The following FZD6 variants were observed in gnomAD, a reference collection of about 807,000 sequenced individuals.
FZD6 encodes frizzled-6.
In FZD6, 49 loss-of-function variants were observed where a neutral mutation model predicts 61.4. The ratio of observed to expected loss-of-function variants is 0.80; its 90% CI spans 0.63 to 1.01. The LOEUF is 1.01. Ranked by LOEUF, FZD6 falls within the 50% of genes least tolerant of loss-of-function variation. FZD6 has a pLI of 0.00. For missense variants in FZD6, 724 were observed against 848.2 expected (o/e 0.85, Z 1.82); for synonymous variants, 265 against 292.2 (o/e 0.91, Z 0.95).
chr8:103,330,645 T>C (rs1815093983), intron 6 of FZD6, among the ~76,000 whole-genome samples: 1 of 152,224 alleles, frequency 6.6e-6, no homozygotes, highest in Non-Finnish European at 1.5e-5. Flanking sequence ...TGTAATTAGA[T>C]ACATGCTTTA....
intron 2 of FZD6, chr8:103,308,020 A>AGGTT: frequency 2.2e-6 from 1 of 447,162 alleles, no homozygotes; most frequent in South Asian, 1.6e-5. Context: ...TGAGGGCTTA[A>AGGTT]GGTTGGTTAC....
intron 3 of FZD6, among the ~76,000 whole-genome samples, chr8:103,320,972 C>T (rs911263517): frequency 6.6e-6 from 1 of 152,138 alleles, no homozygotes; most frequent in African/African-American, 2.4e-5. Flanking sequence ...CATCATGGAC[C>T]TTACATTTTA....
chr8:103,324,136 T>C (rs918491670), intron 3 of FZD6, among the ~76,000 whole-genome samples: 4 of 152,248 alleles, frequency 2.6e-5, no homozygotes, highest in African/African-American at 9.6e-5. Context: ...AGTACTTATC[T>C]GGAGCCTACC....
chr8:103,303,482 C>T (rs1814231046), intron 2 of FZD6, among the ~76,000 whole-genome samples: 1 of 152,124 alleles, frequency 6.6e-6, no homozygotes, highest in South Asian at 2.1e-4. Flanking sequence ...ATCTACATGT[C>T]TCTAGATTGA....
rs758292286 is a variant in FZD6 at position 103,328,284 on chromosome 8, G to A, written c.1409G>A (p.Arg470Gln). The A allele has an allele frequency of 2.5e-6, 4 of 1,611,444 alleles. No homozygotes were observed. Among genetic ancestry groups the A allele is most frequent in the African/African-American group, 1.3e-5 (1 of 74,950 alleles). The change falls in exon 5 of 7, where the codon CGA becomes CAA. Residue 470 changes from arginine (R) to glutamine (Q), a missense_variant. Arg to Gln is a conservative substitution (Grantham distance 43). Transcript: ENST00000358755. Reference sequence around the variant, plus strand: ...TTTTTGTAGGCAAAAGCAAAAGCTCGACCAGAATTGGCTTTATTTATGATA... The same window carrying A: ...TTTTTGTAGGCAAAAGCAAAAGCTCAACCAGAATTGGCTTTATTTATGATA... ...PCPYQAKAKA[R>Q]PELALFMIKY...
intron 2 of FZD6, among the ~76,000 whole-genome samples, chr8:103,306,078 A>G (rs1247845679): frequency 6.6e-6 from 1 of 152,248 alleles, no homozygotes; most frequent in Admixed American, 6.5e-5. Flanking sequence ...AATTTATTCT[A>G]GACACATTCC....
rs1815068128 is a variant in FZD6 at position 103,329,817 on chromosome 8, T to C, written c.1704T>C (p.His568=). 25 of 1,614,130 alleles carry C rather than the reference T, an allele frequency of 1.5e-5. No individual in the cohort carries two copies. The highest frequency in any genetic ancestry group is 2.1e-5 in the Non-Finnish European group (25 of 1,179,958). The change falls in exon 6 of 7, where the codon CAT becomes CAC. Residue 568 remains histidine (H), a synonymous_variant. Coordinates refer to ENST00000358755, the MANE Select transcript of FZD6 (RefSeq NM_003506.4). ...CCAGCACAGGAGCTACAGCAAATCA[T>C]GGCACTTCTGCAGTAGCAATTACTA... ...MGTSTGATAN[H]GTSAVAITSH...
intron 4 of FZD6, among the ~76,000 whole-genome samples, chr8:103,326,894 A>C (rs1016547318): frequency 6.6e-6 from 1 of 152,174 alleles, no homozygotes; most frequent in African/African-American, 2.4e-5. Context: ...AAAATGAAAA[A>C]ACTATTCTTA....
In FZD6 at chr8:103,317,967, G is replaced by A. The variant is rs531286160; in HGVS notation, c.178-623G>A. ...AGTGTTTGGGAGGCAGAGATACGGT[G>A]GGATTGAGTTGTATTTTGCATACTT... On this transcript the variant is annotated intron_variant, in intron 2 of 6. Coordinates refer to ENST00000358755, the MANE Select transcript of FZD6 (RefSeq NM_003506.4). Among the ~76,000 whole-genome samples the A allele has an allele frequency of 3.9e-4, 59 of 152,254 alleles. 1 individual carries two copies. Among genetic ancestry groups the A allele is most frequent in the South Asian group, 8.3e-4 (4 of 4,826 alleles).
intron 6 of FZD6, among the ~76,000 whole-genome samples, chr8:103,331,000 A>AC (rs1223295281): frequency 6.6e-6 from 1 of 152,146 alleles, no homozygotes; most frequent in African/African-American, 2.4e-5. Context: ...ACATGGTGAA[A>AC]CCCCATCTCT....
At chr8:103,300,380 C>A (rs1444292743) in intron 2 of FZD6, 96 bp downstream of exon 2, 2 of 926,640 alleles carry the variant, frequency 2.2e-6, no homozygotes, top group Admixed American at 3.4e-5. Flanking sequence ...GAGCCGATTT[C>A]TTCAAGTTGT....
chr8:103,298,773 C>CCGCCG (rs1814047724), upstream of FZD6: 1 of 155,986 alleles, frequency 6.4e-6, no homozygotes, highest in African/African-American at 2.5e-5. Context: ...CAGGGCCAGT[C>CCGCCG]CCGCCGCCGC....
chr8:103,315,212 C>T (rs987601917), intron 2 of FZD6, among the ~76,000 whole-genome samples: 5 of 152,126 alleles, frequency 3.3e-5, no homozygotes, highest in Non-Finnish European at 7.4e-5. Context: ...ACTTATTCTC[C>T]TTAGGTAATT....
intron 2 of FZD6, chr8:103,307,719 G>GTTT (rs11312808): frequency 9.5e-6 from 4 of 421,712 alleles, no homozygotes; most frequent in Non-Finnish European, 1.9e-5. Context: ...TCTAAGGTGT[G>GTTT]TTTTTTTTTT....
intron 2 of FZD6, among the ~76,000 whole-genome samples, chr8:103,316,910 A>G (rs1416228147): frequency 6.6e-6 from 1 of 152,226 alleles, no homozygotes; most frequent in Non-Finnish European, 1.5e-5. Context: ...TGCTTTAGGC[A>G]CTGGAGATAG....
chr8:103,323,157 G>A (rs1229259154), intron 3 of FZD6, among the ~76,000 whole-genome samples: 2 of 152,088 alleles, frequency 1.3e-5, no homozygotes, highest in East Asian at 1.9e-4. Flanking sequence ...AGTAAATAAT[G>A]TAATAAAAAT....
In FZD6 at chr8:103,331,586, A is replaced by C; in HGVS notation, c.*77A>C. On this transcript the variant is annotated 3_prime_UTR_variant, in exon 7 of 7. Coordinates refer to ENST00000358755, the MANE Select transcript of FZD6 (RefSeq NM_003506.4). ...ACCTATGCACTGTTTTGTAAGAATC[A>C]CTGTTACATTCTTCTTTTGCACTTA... is the stretch of plus-strand genomic sequence containing the variant. The C allele has an allele frequency of 2.0e-6, 2 of 976,080 alleles. No individual in the cohort carries two copies. Among genetic ancestry groups the C allele is most frequent in the Non-Finnish European group, 3.3e-6 (2 of 614,654 alleles). 60.5% of individuals were successfully genotyped at this position (976,080 alleles called of 1,614,324 possible).
chr8:103,308,524 T>C (rs899258122), intron 2 of FZD6, among the ~76,000 whole-genome samples: 1 of 152,152 alleles, frequency 6.6e-6, no homozygotes, highest in Admixed American at 6.5e-5. Context: ...TATAATCCTA[T>C]AGTAGCTCAC....
intron 2 of FZD6, among the ~76,000 whole-genome samples, chr8:103,304,222 A>G (rs905806834): frequency 1.3e-5 from 2 of 152,206 alleles, no homozygotes; most frequent in African/African-American, 2.4e-5. Context: ...CAAAAGATCT[A>G]TCTCACTCCT....
Sources: gnomAD v4.1 joint callset for allele counts (sites outside exome capture counted in the v4.1 genomes callset) on GRCh38, gnomAD v4.1.1 for gene constraint, MANE v1.5 for transcripts, NCBI Gene and HGNC (gene_info 2026-07-23, HGNC 2026-07-21) for gene names.